The following LEKR1 variants were observed in gnomAD, a reference collection of about 807,000 sequenced individuals.
LEKR1 encodes protein LEKR1.
In LEKR1, 59 loss-of-function variants were observed where a neutral mutation model predicts 72.4. The ratio of observed to expected loss-of-function variants is 0.82; its 90% CI spans 0.66 to 1.01. The LOEUF is 1.01. LEKR1 is among the 50% of genes least tolerant of loss of function. The pLI, the probability that LEKR1 is intolerant of heterozygous loss-of-function variation, is 0.00. For missense variants in LEKR1, 728 were observed against 759.2 expected (o/e 0.96, Z 0.48); for synonymous variants, 257 against 263.2 (o/e 0.98, Z 0.23).
intron 4 of LEKR1, among the ~76,000 whole-genome samples, chr3:156,922,070 A>G (rs1202351857): frequency 1.3e-5 from 2 of 152,180 alleles, no homozygotes; most frequent in East Asian, 1.9e-4. Flanking sequence ...TCTGACTTAC[A>G]TAAAAATAGT....
intron 10 of LEKR1, among the ~76,000 whole-genome samples, chr3:157,013,994 T>C (rs1338268657): frequency 6.6e-6 from 1 of 152,052 alleles, no homozygotes; most frequent in African/African-American, 2.4e-5. Flanking sequence ...GATGGCACAT[T>C]TTAAAATAAC....
intron 2 of LEKR1, among the ~76,000 whole-genome samples, chr3:156,840,341 T>C (rs1269027898): frequency 6.6e-6 from 1 of 152,216 alleles, no homozygotes; most frequent in Non-Finnish European, 1.5e-5. Context: ...CGCAGTTCTT[T>C]AGTTTTTATG....
intron 3 of LEKR1, among the ~76,000 whole-genome samples, chr3:156,920,293 C>T (rs1272922888): frequency 1.3e-5 from 2 of 152,028 alleles, no homozygotes; most frequent in Non-Finnish European, 2.9e-5. Context: ...TATTTATGTT[C>T]ATTGTAAACA....
intron 3 of LEKR1, among the ~76,000 whole-genome samples, chr3:156,909,916 T>TTTATTTAAAAATG (rs1358171553): frequency 1.3e-4 from 20 of 152,194 alleles, no homozygotes; most frequent in Non-Finnish European, 2.6e-4. Flanking sequence ...ATATATGTTA[T>TTTATTTAAAAATG]CATTTTAAAA....
intron 3 of LEKR1, among the ~76,000 whole-genome samples, chr3:156,904,117 A>G (rs1722297026): frequency 6.6e-6 from 1 of 152,208 alleles, no homozygotes; most frequent in African/African-American, 2.4e-5. Flanking sequence ...AAGAATATTT[A>G]CCAACGCCTA....
intron 12 of LEKR1, among the ~76,000 whole-genome samples, chr3:157,029,871 G>A (rs190672198): frequency 2.0e-3 from 306 of 152,228 alleles, no homozygotes; most frequent in African/African-American, 6.5e-3. Flanking sequence ...CAAAAGAAAT[G>A]GCAATATAGA....
intron 3 of LEKR1, chr3:156,888,450 A>G (rs1720328371): frequency 1.5e-6 from 1 of 687,190 alleles, no homozygotes; most frequent in African/African-American, 1.8e-5. Flanking sequence ...TTTGCAAAAT[A>G]AATATTTTTT....
At chr3:156,944,170 G>A (rs1726477410) in intron 6 of LEKR1, among the ~76,000 whole-genome samples, 1 of 151,406 alleles carries the variant, frequency 6.6e-6, no homozygotes, top group Non-Finnish European at 1.5e-5. Context: ...AGTACATACA[G>A]TATCCTGGGT....
chr3:156,941,603 A>G (rs1726215122), intron 5 of LEKR1, among the ~76,000 whole-genome samples: 1 of 152,124 alleles, frequency 6.6e-6, no homozygotes, highest in Non-Finnish European at 1.5e-5. Context: ...AACCTATCAC[A>G]TAGTCCAGGA....
chr3:156,852,817 T>C lies in LEKR1; in HGVS notation c.98T>C (p.Ile33Thr). 1 of 1,535,532 alleles carries C rather than the reference T, an allele frequency of 6.5e-7. No homozygotes were observed. Among genetic ancestry groups the C allele is most frequent in the Non-Finnish European group, 8.7e-7 (1 of 1,145,918 alleles). The change falls in exon 3 of 13, where the codon ATT becomes ACT. Residue 33 changes from isoleucine (I) to threonine (T), a missense_variant. Coordinates refer to ENST00000356539, the MANE Select transcript of LEKR1 (RefSeq NM_001004316.3). Reference sequence around the variant, plus strand: ...AAGTACTGTGGAGTCAGCTATCTAATTCTTCATGAATTTAAGGCTATGGAA... The same window carrying C: ...AAGTACTGTGGAGTCAGCTATCTAACTCTTCATGAATTTAAGGCTATGGAA... ...VCKYCGVSYL[I>T]LHEFKAMEEK... is the part of the protein sequence containing the mutation.
chr3:156,899,701 CGCATATATACACATATATACAT>C (rs869147934), intron 3 of LEKR1, among the ~76,000 whole-genome samples: 8,372 of 50,862 alleles, frequency 0.16, 887 homozygotes, highest in East Asian at 0.35. Flanking sequence ...CATATATACA[CGCATATATACACATATATACAT>C]GCATATATAC....
chr3:156,948,614 G>T (rs1726886789), intron 6 of LEKR1, among the ~76,000 whole-genome samples: 1 of 151,430 alleles, frequency 6.6e-6, no homozygotes, highest in South Asian at 2.1e-4. Flanking sequence ...ATTGTGAATA[G>T]TGCTGCTATA....
In LEKR1 at chr3:156,968,160, G is replaced by A. The variant is rs553421480; in HGVS notation, c.746-11034G>A. ...TGGAAAGGAACAACCAGTACCAGCC[G>A]CTGCAAAAACATGACAAATTGTAAA... On this transcript the variant is annotated intron_variant, in intron 6 of 12. Coordinates refer to ENST00000356539, the MANE Select transcript of LEKR1 (RefSeq NM_001004316.3). 9.0e-4 allele frequency among the ~76,000 whole-genome samples: 137 copies of A among 152,262 alleles called. 1 individual carries two copies. Among genetic ancestry groups the A allele is most frequent in the African/African-American group, 2.9e-3 (120 of 41,550 alleles).
rs532476864 is a variant in LEKR1, at chr3:156,967,649, T to C, written c.746-11545T>C. On this transcript the variant is annotated intron_variant, in intron 6 of 12. Transcript: ENST00000356539. ...GTGAAAAGACCAAATCTACATCTGA[T>C]TGGTGTACCTGAAAGTGATGGGGAG... is the stretch of plus-strand genomic sequence containing the variant. Among the ~76,000 whole-genome samples the C allele has an allele frequency of 5.9e-5, 9 of 152,286 alleles. 1 individual carries two copies. In the South Asian group the frequency reaches 1.7e-3, roughly 28 times the overall value.
chr3:157,011,576 AGAC>A, intron 10 of LEKR1, 70 bp downstream of exon 10: 3 of 1,044,646 alleles, frequency 2.9e-6, no homozygotes, highest in Non-Finnish European at 4.5e-6. Flanking sequence ...ATTTGTCAGA[AGAC>A]TCTTCCGGAT....
chr3:156,981,448 A>G (rs1730192327), intron 7 of LEKR1, among the ~76,000 whole-genome samples: 1 of 152,246 alleles, frequency 6.6e-6, no homozygotes, highest in African/African-American at 2.4e-5. Flanking sequence ...AATGCTGATG[A>G]TGTTTTATCA....
intron 3 of LEKR1, among the ~76,000 whole-genome samples, chr3:156,865,280 C>T (rs1717178988): frequency 6.6e-6 from 1 of 151,982 alleles, no homozygotes; most frequent in East Asian, 1.9e-4. Flanking sequence ...GTAGCTTGGA[C>T]TTGGGCAAAT....
intron 5 of LEKR1, among the ~76,000 whole-genome samples, chr3:156,936,335 G>T (rs1725696120): frequency 1.3e-5 from 2 of 151,758 alleles, no homozygotes; most frequent in Admixed American, 6.6e-5. Flanking sequence ...GGCATTCTAA[G>T]AGCAGGTCTC....
chr3:156,835,791 T>TTCTC (rs1167407162), intron 2 of LEKR1, among the ~76,000 whole-genome samples: 6 of 148,032 alleles, frequency 4.1e-5, no homozygotes, highest in African/African-American at 1.5e-4. Context: ...AGCGATTCCT[T>TTCTC]CCTCCCTTCC....
Sources: allele counts gnomAD v4.1 joint callset (sites outside exome capture counted in the v4.1 genomes callset), GRCh38; gene constraint gnomAD v4.1.1; transcripts MANE v1.5; gene names NCBI Gene and HGNC (gene_info 2026-07-23, HGNC 2026-07-21).